The following ZRANB1 variants were observed in gnomAD, a reference collection of about 807,000 sequenced individuals.
The protein encoded by ZRANB1 is zinc finger RANBP2-type containing 1, also known as ubiquitin thioesterase ZRANB1.
A neutral mutation model predicts 80.5 loss-of-function variants in ZRANB1; 16 were observed. That is an observed-to-expected ratio of 0.20 (90% CI 0.13 to 0.30). The LOEUF is 0.30. Among genes scored for constraint, ZRANB1 ranks in the 10% least tolerant of loss-of-function variants. The pLI, the probability that ZRANB1 is intolerant of heterozygous loss-of-function variation, is 1.00. For missense variants in ZRANB1, 576 were observed against 862.6 expected, an observed-to-expected ratio of 0.67 and a Z score of 4.16; for synonymous variants, 291 against 293.1, an observed-to-expected ratio of 0.99 and a Z score of 0.07.
chr10:124,952,110 C>G (rs188338426), intron 1 of ZRANB1, among the ~76,000 whole-genome samples: 365 of 152,246 alleles, frequency 2.4e-3, no homozygotes, highest in Non-Finnish European at 3.4e-3. Context: ...ATTTGCATGA[C>G]CAATATAAAT....
intron 5 of ZRANB1, among the ~76,000 whole-genome samples, chr10:124,977,163 G>C (rs1005875557): frequency 2.6e-5 from 4 of 151,450 alleles, no homozygotes; most frequent in Non-Finnish European, 5.9e-5. Context: ...GTAGAGATGA[G>C]GTCCTCACTG....
Position 124,986,148 on chromosome 10 carries a change from C to G in ZRANB1, c.*1156C>G, listed in dbSNP as rs1373581768. ...CTTTTTTATAAGAAGTATTATTTGA[C>G]CACTTCAGGTATACATTCAATACTG... is the stretch of plus-strand genomic sequence containing the variant. On this transcript the variant is annotated 3_prime_UTR_variant, in exon 9 of 9. Coordinates refer to ENST00000359653, the MANE Select transcript of ZRANB1 (RefSeq NM_017580.3). 1 of 152,498 alleles carries G rather than the reference C, an allele frequency of 6.6e-6. No homozygotes were observed. The highest frequency in any genetic ancestry group is 1.5e-5 in the Non-Finnish European group (1 of 68,028). 9.4% of individuals were successfully genotyped at this position (152,498 alleles called of 1,614,324 possible).
intron 1 of ZRANB1, among the ~76,000 whole-genome samples, chr10:124,959,326 A>G (rs534254399): frequency 2.0e-5 from 3 of 152,282 alleles, no homozygotes; most frequent in Admixed American, 2.0e-4. Flanking sequence ...GAGAGAAGTC[A>G]GTTGGTTGGA....
chr10:124,926,162 C>T, the ZRANB1 span, among the ~76,000 whole-genome samples: 25 of 152,088 alleles, frequency 1.6e-4, no homozygotes, highest in Non-Finnish European at 3.7e-4. Flanking sequence ...CTGGGTAAGT[C>T]AGTGAGTGAG....
At chr10:124,962,420 CT>C (rs199544639) in intron 1 of ZRANB1, 180 of 974,082 alleles carry the variant, frequency 1.8e-4, no homozygotes, top group Middle Eastern at 5.2e-4. Context: ...TAAGTCCTGG[CT>C]TTTTTTTTAC....
At chr10:124,940,104 C>T (rs74160977), upstream of ZRANB1, among the ~76,000 whole-genome samples, 1 of 152,170 alleles carries the variant, frequency 6.6e-6, no homozygotes, top group Non-Finnish European at 1.5e-5. Context: ...TAACTTAGCA[C>T]TGCCAAATTA....
chr10:124,984,091 G>C (rs1292672572), intron 8 of ZRANB1, among the ~76,000 whole-genome samples: 1 of 152,042 alleles, frequency 6.6e-6, no homozygotes, highest in Non-Finnish European at 1.5e-5. Flanking sequence ...GAGAGGATAG[G>C]GATGGGGGGG....
the ZRANB1 span, among the ~76,000 whole-genome samples, chr10:124,933,398 A>G: frequency 1.1e-4 from 16 of 152,204 alleles, no homozygotes; most frequent in South Asian, 2.1e-3. Context: ...CAGCCTCCCA[A>G]AGTGCTGGGT....
In ZRANB1 at chr10:124,966,679, A is replaced by G. The variant is rs1236574629; in HGVS notation, c.900A>G (p.Val300=). 1 of 1,614,212 alleles carries G rather than the reference A, an allele frequency of 6.2e-7. No homozygotes were observed. The part of the protein sequence containing the change: ...DIARQLTADE[V]RLLNRPSAFD... ...CACGTCAGCTCACCGCAGATGAAGT[A>G]CGCTTGCTGAATCGTCCTTCTGCCT... The change falls in exon 2 of 9, where the codon GTA becomes GTG. Residue 300 remains valine (V), a synonymous_variant. Transcript: ENST00000359653.
chr10:124,976,651 A>G (rs1951878871), intron 5 of ZRANB1, among the ~76,000 whole-genome samples: 1 of 134,674 alleles, frequency 7.4e-6, no homozygotes, highest in African/African-American at 2.9e-5. Context: ...GGCTCACTGC[A>G]ACCTCTGCCT....
the ZRANB1 span, among the ~76,000 whole-genome samples, chr10:124,932,185 G>A: frequency 6.6e-6 from 1 of 151,696 alleles, no homozygotes; most frequent in Non-Finnish European, 1.5e-5. Flanking sequence ...TTGTCTGGAT[G>A]TACCACAGTT....
chr10:124,947,013 G>C (rs989009349), intron 1 of ZRANB1, among the ~76,000 whole-genome samples: 7 of 152,226 alleles, frequency 4.6e-5, no homozygotes, highest in African/African-American at 1.4e-4. Flanking sequence ...CCTCAGGTCA[G>C]CTTTGTAGCT....
rs1429360359 is a variant in ZRANB1, at chr10:124,985,024, A to G, written c.*32A>G. The stretch of plus-strand genomic sequence containing the variant: ...AAATCAAACAGCAGAAGACCAAGGC[A>G]TCAGATCTGTAATGACCCTAAAGTT... On this transcript the variant is annotated 3_prime_UTR_variant, in exon 9 of 9. Transcript: ENST00000359653. 1 of 1,528,516 alleles carries G rather than the reference A, an allele frequency of 6.5e-7. No homozygotes were observed. The highest frequency in any genetic ancestry group is 2.4e-5 in the East Asian group (1 of 42,206). 94.7% of individuals were successfully genotyped at this position (1,528,516 alleles called of 1,614,324 possible).
At chr10:124,944,316 A>T (rs2134243786) in intron 1 of ZRANB1, among the ~76,000 whole-genome samples, 1 of 152,236 alleles carries the variant, frequency 6.6e-6, no homozygotes, top group East Asian at 1.9e-4. Flanking sequence ...AACAATAGCT[A>T]AGCTTTAACT....
the ZRANB1 span, among the ~76,000 whole-genome samples, chr10:124,925,010 C>A: frequency 0.055 from 8,304 of 151,722 alleles, 737 homozygotes; most frequent in African/African-American, 0.19. Flanking sequence ...CGGGTTCAGG[C>A]GATTCTCATG....
At chr10:124,984,322 A>G (rs1453297202) in intron 8 of ZRANB1, 1 of 156,016 alleles carries the variant, frequency 6.4e-6, no homozygotes, top group South Asian at 2.0e-4. Flanking sequence ...CAGTATTCTT[A>G]TAAAAGTATT....
chr10:124,973,539 T>A (rs779852075), intron 3 of ZRANB1, 106 bp from the exon 4 acceptor site: 1 of 914,816 alleles, frequency 1.1e-6, no homozygotes, highest in Non-Finnish European at 1.7e-6. Flanking sequence ...GGAAAGGGAG[T>A]TATTTTAGAG....
intron 2 of ZRANB1, among the ~76,000 whole-genome samples, chr10:124,970,173 A>G (rs947182490): frequency 4.6e-5 from 7 of 152,192 alleles, no homozygotes; most frequent in African/African-American, 1.7e-4. Flanking sequence ...GGGCTCATGG[A>G]GTTAAGATAT....
the ZRANB1 span, among the ~76,000 whole-genome samples, chr10:124,932,547 TC>T: frequency 3.3e-5 from 5 of 152,006 alleles, no homozygotes; most frequent in African/African-American, 9.7e-5. Flanking sequence ...CACCTCGGCC[TC>T]CCAGAGTGCT....
Sources: allele counts gnomAD v4.1 joint callset (sites outside exome capture counted in the v4.1 genomes callset), GRCh38; gene constraint gnomAD v4.1.1; transcripts MANE v1.5; gene names NCBI Gene and HGNC (gene_info 2026-07-23, HGNC 2026-07-21).